PDXK: variants seen among roughly 807,000 people sequenced by gnomAD.
The protein encoded by PDXK is pyridoxal kinase, also known as epididymis secretory sperm binding protein Li 1a.
PDXK carries 15 observed loss-of-function variants against 43.2 expected under a neutral mutation model. The ratio of observed to expected loss-of-function variants is 0.35; its 90% CI spans 0.23 to 0.53. The LOEUF (loss-of-function observed/expected upper bound fraction) is 0.53. Among genes scored for constraint, PDXK ranks in the 20% least tolerant of loss-of-function variants. PDXK has a pLI of 0.92. For missense variants in PDXK, 343 were observed against 417.0 expected (o/e 0.82, Z 1.54); for synonymous variants, 172 against 165.4 (o/e 1.04, Z -0.31).
In PDXK at chr21:43,732,058, C is replaced by T. The variant is rs776994553; in HGVS notation, c.88-2011C>T. 79 of 808,516 alleles carry T rather than the reference C, an allele frequency of 9.8e-5. No individual in the cohort carries two copies. The highest frequency in any genetic ancestry group is 1.2e-4 in the Non-Finnish European group (74 of 625,986). The allele number at this position is 808,516 out of a possible 1,614,324, so 50.1% of individuals were successfully genotyped here. ...ATTCCGCTGCTGCTATGGGAAGGGA[C>T]GGTCACTACCGCTGCCCCTGTGGGG... On this transcript the variant is annotated intron_variant, in intron 1 of 10. Coordinates refer to ENST00000291565, the MANE Select transcript of PDXK (RefSeq NM_003681.5). This position sits in a 1 kb window ranked among gnomAD's most constrained non-coding sequence, Gnocchi z 4.1.
Position 43,750,481 on chromosome 21 carries a change from G to T in PDXK, c.465-19G>T. 1 of 1,607,742 alleles carries T rather than the reference G, an allele frequency of 6.2e-7. No homozygotes were observed. The highest frequency in any genetic ancestry group is 8.5e-7 in the Non-Finnish European group (1 of 1,176,460). ...GAGGCTCACCTGTCCCCACCCGCCT[G>T]TCCCCGCCTGTCTTCCAGGTTACTG... On this transcript the variant is annotated intron_variant, in intron 6 of 10. Transcript: ENST00000291565.
At chr21:43,753,359 C>T (rs566762290) in intron 8 of PDXK, among the ~76,000 whole-genome samples, 8 of 152,304 alleles carry the variant, frequency 5.3e-5, no homozygotes, top group African/African-American at 9.6e-5. Context: ...ACCCCCGAGG[C>T]GGCCTGACCG....
rs561790234 is a variant in PDXK, at chr21:43,740,605, C to T, written c.143-1062C>T. 3.7e-4 allele frequency among the ~76,000 whole-genome samples: 56 copies of T among 152,012 alleles called. 3 individuals are homozygous for T. The highest frequency in any genetic ancestry group is 3.5e-3 in the South Asian group (17 of 4,828). On this transcript the variant is annotated intron_variant, in intron 2 of 10. Coordinates refer to ENST00000291565, the MANE Select transcript of PDXK (RefSeq NM_003681.5). Reference sequence around the variant, plus strand: ...TTGAGCTGGAGCTGTGGTCAGGTTCCGCAGTGCAGGAAGGGCTCCCAGGAG... The same window carrying T: ...TTGAGCTGGAGCTGTGGTCAGGTTCTGCAGTGCAGGAAGGGCTCCCAGGAG...
chr21:43,749,774 G>A (rs773655391), intron 6 of PDXK, among the ~76,000 whole-genome samples: 1 of 152,242 alleles, frequency 6.6e-6, no homozygotes, highest in Non-Finnish European at 1.5e-5. Context: ...AGCAGAGGGA[G>A]GGTGGGGGCA....
intron 10 of PDXK, 42 bp from the exon 11 acceptor site, chr21:43,755,909 C>A (rs1175933479): frequency 6.6e-7 from 1 of 1,514,396 alleles, no homozygotes. Flanking sequence ...CAGCGGGAGC[C>A]CCTCTGAGAT....
intron 7 of PDXK, among the ~76,000 whole-genome samples, chr21:43,750,769 G>A (rs896457114): frequency 1.4e-4 from 16 of 113,632 alleles, no homozygotes; most frequent in East Asian, 5.0e-4. Flanking sequence ...GTGTGTGCGC[G>A]CGTATTGTGT....
At chr21:43,733,915 C>T (rs1318890589) in intron 1 of PDXK, 154 bp from the exon 2 acceptor site, 2 of 718,014 alleles carry the variant, frequency 2.8e-6, no homozygotes, top group Non-Finnish European at 4.8e-6. Flanking sequence ...GGGAGAGCCT[C>T]CTGCTCTGAT....
intron 4 of PDXK, chr21:43,745,734 C>A (rs2083627835): frequency 3.9e-6 from 1 of 255,534 alleles, no homozygotes; most frequent in African/African-American, 2.2e-5. Context: ...TGGTTGCTCA[C>A]ACCTGTGATC....
At chr21:43,739,386 A>G (rs1015108713) in intron 2 of PDXK, among the ~76,000 whole-genome samples, 1 of 152,144 alleles carries the variant, frequency 6.6e-6, no homozygotes, top group Non-Finnish European at 1.5e-5. Flanking sequence ...CGTTGGATAC[A>G]CCATGGGTGG....
rs2083367039 is a variant in PDXK at position 43,734,196 on chromosome 21, AGGGACGGGGCGGAGTG to A, written c.142+74_142+89del. ...AGGGACGGGGCGGAGTGTGGGTGTG[AGGGACGGGGCGGAGTG>A]TGGGTGTGAGGGACGGGGCTTTCGT... On this transcript the variant is annotated intron_variant, in intron 2 of 10. Coordinates refer to ENST00000291565, the MANE Select transcript of PDXK (RefSeq NM_003681.5). The surrounding 1 kb of genome is among the most constrained non-coding windows in gnomAD (Gnocchi z 5.0). 6.5e-6 allele frequency: 9 copies of A among 1,391,208 alleles called. No individual in the cohort carries two copies. In the African/African-American group the frequency reaches 1.3e-4, roughly 20 times the overall value. 86.2% of individuals were successfully genotyped at this position (1,391,208 alleles called of 1,614,324 possible). A position where few individuals can be genotyped will look rare whatever the true frequency, so the allele number is the denominator to read the frequency against.
chr21:43,741,553 G>A lies in PDXK; in HGVS notation c.143-114G>A, dbSNP rs1318593435. 3.9e-6 allele frequency: 6 copies of A among 1,528,070 alleles called. No individual in the cohort carries two copies. The South Asian group carries it at 7.6e-5, about 19-fold the overall frequency. 94.7% of individuals were successfully genotyped at this position (1,528,070 alleles called of 1,614,324 possible). On this transcript the variant is annotated intron_variant, in intron 2 of 10. Coordinates refer to ENST00000291565, the MANE Select transcript of PDXK (RefSeq NM_003681.5). ...CTCCTTCGGGTTTGAGCCAGTCCAT[G>A]GGGAGGAGCCGTCCACCAGGCAGCC...
At chr21:43,719,550 G>A (rs1293657474) in intron 1 of PDXK, 169 bp downstream of exon 1, 1 of 966,858 alleles carries the variant, frequency 1.0e-6, no homozygotes, top group African/African-American at 1.8e-5. Context: ...TGCTTGGCTT[G>A]CGGGGGCGGA....
rs1027357270 is a variant in PDXK at position 43,762,245 on chromosome 21, C to T, written c.*6182C>T. ...AGCACTGTGTAGGCTGCATCTGTTTCGTGCTGGTCCTGTTGACTTGTATGA... is the reference window on the plus strand; with the variant it reads ...AGCACTGTGTAGGCTGCATCTGTTTTGTGCTGGTCCTGTTGACTTGTATGA... On this transcript the variant is annotated 3_prime_UTR_variant, in exon 11 of 11. Coordinates refer to ENST00000291565, the MANE Select transcript of PDXK (RefSeq NM_003681.5). 2 of 152,242 alleles carry T rather than the reference C, an allele frequency of 1.3e-5. No homozygotes were observed. The highest frequency in any genetic ancestry group is 4.8e-5 in the African/African-American group (2 of 41,434). The allele number at this position is 152,242 out of a possible 1,614,324, so 9.4% of individuals were successfully genotyped here. A position where few individuals can be genotyped will look rare whatever the true frequency, so the allele number is the denominator to read the frequency against.
chr21:43,719,493 C>A, intron 1 of PDXK, 112 bp downstream of exon 1: 1 of 1,321,470 alleles, frequency 7.6e-7, no homozygotes. Flanking sequence ...GCGGGCAGAG[C>A]CTGGCGCGGG....
At chr21:43,744,019 G>A (rs997512280) in intron 4 of PDXK, among the ~76,000 whole-genome samples, 5 of 152,236 alleles carry the variant, frequency 3.3e-5, no homozygotes, top group African/African-American at 1.2e-4. Context: ...TGACCCTGGT[G>A]TCTTGTGTGG....
At chr21:43,755,350 C>T (rs1250093640) in intron 9 of PDXK, 1 of 248,354 alleles carries the variant, frequency 4.0e-6, no homozygotes, top group African/African-American at 2.3e-5. Context: ...TCGGCAGGAG[C>T]ACTTCCCCTT....
chr21:43,745,033 C>T (rs1214897887), intron 4 of PDXK, among the ~76,000 whole-genome samples: 3 of 152,200 alleles, frequency 2.0e-5, no homozygotes, highest in African/African-American at 2.4e-5. Flanking sequence ...TACACGATCC[C>T]GCTATCTGAA....
At chr21:43,745,922 G>A in intron 4 of PDXK, 157 bp from the exon 5 acceptor site, 2 of 668,834 alleles carry the variant, frequency 3.0e-6, no homozygotes, top group South Asian at 3.3e-5. Context: ...GCCCGAGCCT[G>A]GAAGATCGAG....
chr21:43,755,446 C>G, intron 9 of PDXK: 2 of 547,570 alleles, frequency 3.7e-6, no homozygotes, highest in Non-Finnish European at 6.6e-6. Context: ...CGAGGCTGTC[C>G]CTTCTGTGAG....
Sources: allele counts gnomAD v4.1 joint callset (sites outside exome capture counted in the v4.1 genomes callset), GRCh38; gene constraint gnomAD v4.1.1; non-coding constraint Gnocchi (gnomAD v3.1); transcripts MANE v1.5; gene names NCBI Gene and HGNC (gene_info 2026-07-23, HGNC 2026-07-21).